Variants in ZFPM1 observed in about 807,000 individuals in gnomAD.
ZFPM1 encodes the protein zinc finger protein, FOG family member 1.
A neutral mutation model predicts 46.3 loss-of-function variants in ZFPM1; 28 were observed. The observed-to-expected ratio is 0.60, with a 90% CI of 0.45 to 0.83. The LOEUF is 0.83. Among genes scored for constraint, ZFPM1 ranks in the 40% least tolerant of loss-of-function variants. The pLI is 0.00. For missense variants in ZFPM1, 1,878 were observed against 1,432.4 expected (o/e 1.31, Z -5.02); for synonymous variants, 957 against 675.9 (o/e 1.42, Z -6.45).
At position 88,486,040 on chromosome 16, in the gene ZFPM1, G is replaced by A. The variant is rs778641671; in HGVS notation, c.142G>A (p.Ala48Thr). The A allele has an allele frequency of 2.1e-5, 34 of 1,610,890 alleles. No homozygotes were observed. Among genetic ancestry groups the A allele is most frequent in the Admixed American group, 1.8e-4 (11 of 59,760 alleles). ...TAPEAPSPPS[A>T]DVNSPPPLPP... ...ACCTGAAGCCCCGAGCCCTCCCAGC[G>A]CAGGTGAGTCAGACTGAGCCCTCTC... The change falls in exon 2 of 10, where the codon GCA (alanine) becomes ACA (threonine). Residue 48 changes from alanine to threonine, a missense_variant. Coordinates refer to ENST00000319555, the MANE Select transcript of ZFPM1 (RefSeq NM_153813.3).
chr16:88,532,148 C>G lies in ZFPM1; in HGVS notation c.859C>G (p.Pro287Ala), dbSNP rs746075971. ...AGACGAGAAGCCCAAAGAGACCTAC[C>G]CCAACGAGCGCGTCTGCCCCTTCCC... ...ATDEKPKETYPNERVCPFPQC... is the reference protein window; with the variant it reads ...ATDEKPKETYANERVCPFPQC... The change falls in exon 7 of 10, where the codon CCC (proline) becomes GCC (alanine). Residue 287 changes from proline (P) to alanine (A), a missense_variant. Pro to Ala is a conservative substitution (Grantham distance 27). Coordinates refer to ENST00000319555, the MANE Select transcript of ZFPM1 (RefSeq NM_153813.3). 1 of 1,612,658 alleles carries G rather than the reference C, an allele frequency of 6.2e-7. No homozygotes were observed. The highest frequency in any genetic ancestry group is 1.1e-5 in the South Asian group (1 of 91,060).
chr16:88,494,088 G>A lies in ZFPM1; in HGVS notation c.268+4935G>A, dbSNP rs117512324. Among the ~76,000 whole-genome samples, 1,115 of 152,240 alleles carry A rather than the reference G, an allele frequency of 7.3e-3. 27 individuals are homozygous for A. The highest frequency in any genetic ancestry group is 0.046 in the Admixed American group (709 of 15,300). On this transcript the variant is annotated intron_variant, in intron 3 of 9. Coordinates refer to ENST00000319555, the MANE Select transcript of ZFPM1 (RefSeq NM_153813.3). ...GGAGGGGGACTGCGGAGTGTGTAGC[G>A]CAGAGTGTGGCTGGAGTCACTTCCC...
At chr16:88,514,923 C>G (rs1003442054) in intron 4 of ZFPM1, among the ~76,000 whole-genome samples, 1 of 152,168 alleles carries the variant, frequency 6.6e-6, no homozygotes, top group Non-Finnish European at 1.5e-5. Context: ...CCCGCGGACT[C>G]TTCTGACGAC....
intron 3 of ZFPM1, among the ~76,000 whole-genome samples, chr16:88,494,583 TC>T (rs1458284055): frequency 6.6e-6 from 1 of 151,782 alleles, no homozygotes; most frequent in African/African-American, 2.4e-5. Flanking sequence ...GGAGGGGGTG[TC>T]CGCGGGCCTC....
Position 88,497,901 on chromosome 16 carries a change from G to T in ZFPM1, c.268+8748G>T, listed in dbSNP as rs1910027157. 3.3e-5 allele frequency among the ~76,000 whole-genome samples: 5 copies of T among 152,312 alleles called. No individual in the cohort carries two copies. The highest frequency in any genetic ancestry group is 2.1e-4 in the South Asian group (1 of 4,832). Reference sequence around the variant, plus strand: ...ACGCAAACCTCAAGGCCTGCTATCGGGTGGAGGCTGAGGCGGGGGCCCGGC... The same window carrying T: ...ACGCAAACCTCAAGGCCTGCTATCGTGTGGAGGCTGAGGCGGGGGCCCGGC... On this transcript the variant is annotated intron_variant, in intron 3 of 9. Coordinates refer to ENST00000319555, the MANE Select transcript of ZFPM1 (RefSeq NM_153813.3). The surrounding 1 kb of genome is among the most constrained non-coding windows in gnomAD (Gnocchi z 5.4).
chr16:88,532,776 C>G lies in ZFPM1; in HGVS notation c.1043-13C>G, dbSNP rs1291568325. Reference sequence around the variant, plus strand: ...CCCGCCCTGGGCCTTGACCACCTCGCCATGGCCCACAGGTGTCTGCCACAG... The same window carrying G: ...CCCGCCCTGGGCCTTGACCACCTCGGCATGGCCCACAGGTGTCTGCCACAG... On this transcript the variant is annotated splice_polypyrimidine_tract_variant and intron_variant, in intron 8 of 9. Coordinates refer to ENST00000319555, the MANE Select transcript of ZFPM1 (RefSeq NM_153813.3). 1.9e-5 allele frequency: 31 copies of G among 1,612,992 alleles called. No individual in the cohort carries two copies. The highest frequency in any genetic ancestry group is 2.4e-5 in the Non-Finnish European group (28 of 1,179,898).
chr16:88,496,750 GGGCTTGA>G (rs1909953243), intron 3 of ZFPM1, among the ~76,000 whole-genome samples: 1 of 152,154 alleles, frequency 6.6e-6, no homozygotes, highest in South Asian at 2.1e-4. Flanking sequence ...CATGTACACG[GGGCTTGA>G]GGAGATCGCC....
rs535706834 is a variant in ZFPM1, at chr16:88,532,636, G to C, written c.969G>C (p.Leu323=). 1.3e-5 allele frequency: 21 copies of C among 1,582,098 alleles called. No homozygotes were observed. Among genetic ancestry groups the C allele is most frequent in the Middle Eastern group, 1.7e-4 (1 of 6,016 alleles). The change falls in exon 8 of 10, where the codon CTG becomes CTC. Residue 323 remains leucine, a synonymous_variant. Coordinates refer to ENST00000319555, the MANE Select transcript of ZFPM1 (RefSeq NM_153813.3). The part of the protein sequence containing the change: ...SHSGERPFVC[L]ICLSAFTTKA... The stretch of plus-strand genomic sequence containing the variant: ...CAGGAGAGCGGCCCTTCGTGTGCCT[G>C]ATCTGCCTGTCGGCCTTCACCACCA...
chr16:88,526,682 A>T, intron 4 of ZFPM1, 132 bp from the exon 5 acceptor site: 1 of 964,692 alleles, frequency 1.0e-6, no homozygotes, highest in Non-Finnish European at 1.6e-6. Flanking sequence ...TGGGCCAATG[A>T]CTGTCCACAG....
chr16:88,496,069 A>ACTCC (rs1326049550), intron 3 of ZFPM1, among the ~76,000 whole-genome samples: 4 of 151,884 alleles, frequency 2.6e-5, no homozygotes, highest in Non-Finnish European at 5.9e-5. Context: ...AGGGCAGGAC[A>ACTCC]CTCCATCCCA....
chr16:88,527,067 C>A (rs1912394960), intron 5 of ZFPM1, 151 bp downstream of exon 5: 1 of 1,293,324 alleles, frequency 7.7e-7, no homozygotes. Context: ...CAGCATGAGG[C>A]AGACACTCTA....
chr16:88,499,058 C>G (rs1164519955), intron 3 of ZFPM1, among the ~76,000 whole-genome samples: 1 of 152,204 alleles, frequency 6.6e-6, no homozygotes, highest in East Asian at 1.9e-4. Flanking sequence ...TCTGCAGCCC[C>G]CGAGGCCGGC....
upstream of ZFPM1, chr16:88,453,267 G>C (rs1017537478): frequency 6.8e-6 from 1 of 146,506 alleles, no homozygotes; most frequent in Non-Finnish European, 1.5e-5. Context: ...GCCCGGCCCC[G>C]CCCCGTGCCT....
At chr16:88,491,047 GGGGTCTCGGTCAGGCGCTGGTGCCTTCGC>G (rs1567536440) in intron 3 of ZFPM1, among the ~76,000 whole-genome samples, 4 of 139,938 alleles carry the variant, frequency 2.9e-5, no homozygotes, top group African/African-American at 8.2e-5. Context: ...GGTGCCTTCG[GGGGTCTCGGTCAGGCGCTGGTGCCTTCGC>G]GGGTCCCAGT....
At chr16:88,470,317 C>T (rs1387981857) in intron 1 of ZFPM1, among the ~76,000 whole-genome samples, 1 of 152,190 alleles carries the variant, frequency 6.6e-6, no homozygotes, top group Non-Finnish European at 1.5e-5. Context: ...ACGGGTGTCC[C>T]CTGTACTCTC....
At chr16:88,462,424 G>A (rs184318634) in intron 1 of ZFPM1, among the ~76,000 whole-genome samples, 39 of 152,346 alleles carry the variant, frequency 2.6e-4, no homozygotes, top group Non-Finnish European at 4.1e-4. Context: ...CATTTCGCAC[G>A]TGAGAAAATC....
chr16:88,511,642 G>T (rs553684442), intron 3 of ZFPM1, among the ~76,000 whole-genome samples: 3 of 152,274 alleles, frequency 2.0e-5, no homozygotes, highest in East Asian at 3.9e-4. Flanking sequence ...TTTCCAATGC[G>T]ATTTTACTTC....
intron 4 of ZFPM1, among the ~76,000 whole-genome samples, chr16:88,524,701 G>T (rs1028083166): frequency 6.6e-6 from 1 of 152,238 alleles, no homozygotes; most frequent in Non-Finnish European, 1.5e-5. Context: ...CCAACATACC[G>T]GGAGGAAACT....
At chr16:88,531,748 G>A (rs1362784893) in intron 6 of ZFPM1, among the ~76,000 whole-genome samples, 1 of 152,202 alleles carries the variant, frequency 6.6e-6, no homozygotes, top group Non-Finnish European at 1.5e-5. Context: ...GCTCACCATT[G>A]GAAGGGGACC....
Sources: allele counts gnomAD v4.1 joint callset (sites outside exome capture counted in the v4.1 genomes callset), GRCh38; gene constraint gnomAD v4.1.1; non-coding constraint Gnocchi (gnomAD v3.1); transcripts MANE v1.5; gene names NCBI Gene and HGNC (gene_info 2026-07-23, HGNC 2026-07-21).